BACH2: variants seen among roughly 807,000 people sequenced by gnomAD.
BACH2 encodes the protein BACH transcriptional regulator 2.
A neutral mutation model predicts 61.8 loss-of-function variants in BACH2; 5 were observed. The ratio of observed to expected loss-of-function variants is 0.08; its 90% CI spans 0.04 to 0.17. BACH2 has a LOEUF of 0.17. BACH2 is among the 10% of genes least tolerant of loss of function. BACH2 has a pLI of 1.00. For missense variants in BACH2, 824 were observed against 1,091.1 expected (o/e 0.76, Z 3.45); for synonymous variants, 446 against 440.1 (o/e 1.01, Z -0.17).
At chr6:90,285,129 A>C (rs756080207) in intron 1 of BACH2, among the ~76,000 whole-genome samples, 1 of 152,248 alleles carries the variant, frequency 6.6e-6, no homozygotes, top group African/African-American at 2.4e-5. Flanking sequence ...AACATTTCAC[A>C]CTTTCCGATG....
chr6:90,161,788 C>T (rs1220824317), intron 4 of BACH2, among the ~76,000 whole-genome samples: 1 of 152,176 alleles, frequency 6.6e-6, no homozygotes, highest in Non-Finnish European at 1.5e-5. Context: ...GCCCACAATG[C>T]CAGTGCCAAC....
intron 6 of BACH2, among the ~76,000 whole-genome samples, chr6:90,002,164 A>G (rs1397195370): frequency 6.6e-6 from 1 of 152,118 alleles, no homozygotes; most frequent in Non-Finnish European, 1.5e-5. Context: ...CTTACCACGC[A>G]CTATGCTTTG....
intron 5 of BACH2, among the ~76,000 whole-genome samples, chr6:90,064,310 G>A (rs947727819): frequency 3.3e-5 from 5 of 152,140 alleles, no homozygotes; most frequent in East Asian, 1.9e-4. Flanking sequence ...TGACAGATGC[G>A]TAGTATCTCA....
chr6:90,182,134 A>G (rs1480232583), intron 4 of BACH2, among the ~76,000 whole-genome samples: 1 of 152,192 alleles, frequency 6.6e-6, no homozygotes, highest in Non-Finnish European at 1.5e-5. Context: ...GTTGATGCTG[A>G]TAGCAACCCT....
chr6:90,238,570 TACTGGGAAAAAGCTAA>T (rs1454951335), intron 3 of BACH2, among the ~76,000 whole-genome samples: 1 of 152,188 alleles, frequency 6.6e-6, no homozygotes, highest in Non-Finnish European at 1.5e-5. Context: ...CATTGTTTCC[TACTGGGAAAAAGCTAA>T]AGTGAGGGTG....
chr6:90,037,262 T>C (rs1779306041), intron 5 of BACH2, among the ~76,000 whole-genome samples: 1 of 152,164 alleles, frequency 6.6e-6, no homozygotes. Flanking sequence ...GATCCTTGGA[T>C]TAAGTGTGAA....
At chr6:90,103,034 T>A (rs1332492496) in intron 4 of BACH2, among the ~76,000 whole-genome samples, 95 of 122,552 alleles carry the variant, frequency 7.8e-4, no homozygotes, top group East Asian at 2.0e-3. Context: ...TATATATTTT[T>A]TTTTTTTTTT....
chr6:90,254,139 T>C (rs1167677591), intron 2 of BACH2, among the ~76,000 whole-genome samples: 1 of 149,950 alleles, frequency 6.7e-6, no homozygotes, highest in Non-Finnish European at 1.5e-5. Flanking sequence ...CCCCAAAAGA[T>C]AAGACATACT....
intron 6 of BACH2, among the ~76,000 whole-genome samples, chr6:89,980,382 C>T (rs923009889): frequency 6.6e-6 from 1 of 152,174 alleles, no homozygotes; most frequent in Non-Finnish European, 1.5e-5. Context: ...CCTGGACACA[C>T]ACATGAGCAT....
chr6:90,199,714 G>A (rs559260364), intron 4 of BACH2, among the ~76,000 whole-genome samples: 9 of 152,140 alleles, frequency 5.9e-5, no homozygotes, highest in Non-Finnish European at 1.2e-4. Flanking sequence ...CAATGTACAC[G>A]TAACAGAGGG....
chr6:90,095,938 C>G (rs1782365935), intron 4 of BACH2, among the ~76,000 whole-genome samples: 1 of 152,192 alleles, frequency 6.6e-6, no homozygotes, highest in Non-Finnish European at 1.5e-5. Context: ...GGTCATACTG[C>G]TGGAGACAGG....
At chr6:90,085,348 C>T (rs553946495) in intron 5 of BACH2, among the ~76,000 whole-genome samples, 25 of 152,260 alleles carry the variant, frequency 1.6e-4, no homozygotes, top group African/African-American at 5.1e-4. Context: ...TGTCCACCTC[C>T]GCTGATTAAG....
At chr6:90,295,094 C>A (rs1458062098) in intron 1 of BACH2, among the ~76,000 whole-genome samples, 1 of 152,160 alleles carries the variant, frequency 6.6e-6, no homozygotes, top group African/African-American at 2.4e-5. Flanking sequence ...TCTCGCCGCC[C>A]GCGGGCCCGC....
intron 4 of BACH2, among the ~76,000 whole-genome samples, chr6:90,188,727 C>A (rs1768446036): frequency 7.8e-6 from 1 of 128,236 alleles, no homozygotes. Flanking sequence ...TTCATACTAC[C>A]AATCTAGTAA....
rs367594626 is a variant in BACH2 at position 89,975,589 on chromosome 6, T to A, written c.244-23727A>T. On this transcript the variant is annotated intron_variant, in intron 6 of 8. Coordinates refer to ENST00000257749, the MANE Select transcript of BACH2 (RefSeq NM_021813.4). ...CTTCCTTCTTCCTCTGCCTGGCCGCTGTCTGGTAATGTACTTCTTCCTTTA... is the reference window on the plus strand; with the variant it reads ...CTTCCTTCTTCCTCTGCCTGGCCGCAGTCTGGTAATGTACTTCTTCCTTTA... Among the ~76,000 whole-genome samples, 16 of 152,356 alleles carry A rather than the reference T, an allele frequency of 1.1e-4. 2 individuals are homozygous for A. Among genetic ancestry groups the A allele is most frequent in the Admixed American group, 6.5e-4 (10 of 15,306 alleles).
intron 4 of BACH2, among the ~76,000 whole-genome samples, chr6:90,136,755 C>G (rs1380507580): frequency 2.0e-5 from 3 of 151,386 alleles, no homozygotes; most frequent in Non-Finnish European, 2.9e-5. Context: ...TCCACAGGAG[C>G]AGCAAAAAGC....
chr6:90,030,334 T>G (rs1025874825), intron 5 of BACH2, among the ~76,000 whole-genome samples: 1 of 151,824 alleles, frequency 6.6e-6, no homozygotes, highest in Non-Finnish European at 1.5e-5. Context: ...GCCCTGGGAG[T>G]AGACGTGGCT....
chr6:89,932,911 G>A (rs1772761730), intron 8 of BACH2, 21 bp from the exon 9 acceptor site: 1 of 1,544,970 alleles, frequency 6.5e-7, no homozygotes, highest in African/African-American at 1.4e-5. Flanking sequence ...GAGAAAAAAA[G>A]AGAAGGGTTG....
At chr6:90,015,041 C>A (rs1187653313) in intron 5 of BACH2, among the ~76,000 whole-genome samples, 2 of 151,594 alleles carry the variant, frequency 1.3e-5, no homozygotes, top group African/African-American at 4.9e-5. Context: ...TTGGCCCCCA[C>A]AAAGCACTGG....
Sources: gnomAD v4.1 joint callset for allele counts (sites outside exome capture counted in the v4.1 genomes callset) on GRCh38, gnomAD v4.1.1 for gene constraint, MANE v1.5 for transcripts, NCBI Gene and HGNC (gene_info 2026-07-23, HGNC 2026-07-21) for gene names.